The following XRRA1 variants were observed in gnomAD, a reference collection of about 807,000 sequenced individuals.
The protein encoded by XRRA1 is X-ray radiation resistance-associated protein 1.
In XRRA1, 69 loss-of-function variants were observed where a neutral mutation model predicts 80.2. The ratio of observed to expected loss-of-function variants is 0.86; its 90% CI spans 0.71 to 1.05. The LOEUF is 1.05. XRRA1 is among the 50% of genes least tolerant of loss of function. The pLI, the probability that XRRA1 is intolerant of heterozygous loss-of-function variation, is 0.00. For synonymous variants in XRRA1, 348 were observed against 389.9 expected (o/e 0.89, Z 1.27); for missense variants, 967 against 976.4 (o/e 0.99, Z 0.13).
At chr11:74,901,291 G>A (rs957316144) in intron 10 of XRRA1, among the ~76,000 whole-genome samples, 4 of 151,874 alleles carry the variant, frequency 2.6e-5, no homozygotes, top group Non-Finnish European at 5.9e-5. Context: ...AAATTGAAAA[G>A]GACACATAAA....
At chr11:74,844,433 CG>C (rs1229090662) in intron 16 of XRRA1, 150 bp from the exon 17 acceptor site, 4 of 628,776 alleles carry the variant, frequency 6.4e-6, no homozygotes, top group Non-Finnish European at 8.5e-6. Context: ...AGGTTTCTTC[CG>C]GATCTGTTCC....
intron 10 of XRRA1, among the ~76,000 whole-genome samples, chr11:74,903,217 A>C (rs551014866): frequency 2.0e-5 from 3 of 152,204 alleles, no homozygotes; most frequent in Non-Finnish European, 4.4e-5. Flanking sequence ...GTCATCCATC[A>C]ATCCCACTTC....
intron 10 of XRRA1, among the ~76,000 whole-genome samples, chr11:74,902,651 G>A (rs1483226576): frequency 3.9e-5 from 6 of 152,152 alleles, no homozygotes; most frequent in African/African-American, 1.4e-4. Context: ...TATGTTAAGT[G>A]AAATAAGCCA....
intron 10 of XRRA1, among the ~76,000 whole-genome samples, chr11:74,889,530 C>T (rs1345956423): frequency 6.6e-6 from 1 of 152,172 alleles, no homozygotes; most frequent in Admixed American, 6.5e-5. Flanking sequence ...ATCATAATGA[C>T]AGGATCAAAT....
intron 10 of XRRA1, among the ~76,000 whole-genome samples, chr11:74,902,359 G>C (rs1015526859): frequency 2.0e-5 from 3 of 152,146 alleles, no homozygotes; most frequent in Non-Finnish European, 4.4e-5. Flanking sequence ...CAGTTTGGAA[G>C]TTCCTCACAA....
At chr11:74,917,379 C>T (rs190063943) in intron 8 of XRRA1, among the ~76,000 whole-genome samples, 5 of 151,928 alleles carry the variant, frequency 3.3e-5, no homozygotes, top group Admixed American at 2.0e-4. Context: ...TCTAAATCTT[C>T]CCCTGGAAGA....
intron 10 of XRRA1, 187 bp from the exon 11 acceptor site, chr11:74,863,208 C>G: frequency 1.5e-6 from 1 of 650,948 alleles, no homozygotes; most frequent in Non-Finnish European, 2.8e-6. Flanking sequence ...GTAATAAGTC[C>G]CTTTGCACTT....
intron 10 of XRRA1, among the ~76,000 whole-genome samples, chr11:74,879,671 T>A (rs1303937660): frequency 6.6e-6 from 1 of 151,980 alleles, no homozygotes; most frequent in Non-Finnish European, 1.5e-5. Context: ...GTTTTTAGCA[T>A]GGAGGGTTGT....
chr11:74,928,615 G>A (rs962016882), intron 6 of XRRA1, among the ~76,000 whole-genome samples: 2 of 152,182 alleles, frequency 1.3e-5, no homozygotes, highest in South Asian at 2.1e-4. Context: ...TGATGCTGTT[G>A]TACTGGCATT....
At chr11:74,895,947 G>T (rs2052192861) in intron 10 of XRRA1, among the ~76,000 whole-genome samples, 2 of 152,224 alleles carry the variant, frequency 1.3e-5, no homozygotes, top group African/African-American at 4.8e-5. Context: ...CTGCTTTGAA[G>T]GGAAGGACCT....
At chr11:74,948,850 G>A (rs956636874) in intron 1 of XRRA1, 78 bp downstream of exon 1, 2 of 161,752 alleles carry the variant, frequency 1.2e-5, no homozygotes, top group African/African-American at 4.8e-5. Context: ...TGAAGGACAA[G>A]CTCCTGCCCA....
intron 4 of XRRA1, among the ~76,000 whole-genome samples, chr11:74,935,146 G>A (rs1440303550): frequency 6.6e-6 from 1 of 152,212 alleles, no homozygotes; most frequent in African/African-American, 2.4e-5. Context: ...GAGTTGAGGA[G>A]GGGGACCGGT....
chr11:74,873,286 G>A (rs2045290848), intron 10 of XRRA1, among the ~76,000 whole-genome samples: 1 of 152,134 alleles, frequency 6.6e-6, no homozygotes, highest in Non-Finnish European at 1.5e-5. Flanking sequence ...AATATTAGGA[G>A]TGCAAAAACC....
intron 9 of XRRA1, 57 bp from the exon 10 acceptor site, chr11:74,906,513 T>C (rs1421139609): frequency 1.9e-6 from 3 of 1,567,854 alleles, no homozygotes; most frequent in Admixed American, 1.8e-5. Context: ...TCAGGATTGT[T>C]TACCAAGCAA....
At chr11:74,909,509 C>T (rs1409804458) in intron 8 of XRRA1, among the ~76,000 whole-genome samples, 1 of 152,162 alleles carries the variant, frequency 6.6e-6, no homozygotes, top group Non-Finnish European at 1.5e-5. Context: ...TGACAAGTTA[C>T]ACTACTTCGT....
chr11:74,880,598 T>C (rs1314660717), intron 10 of XRRA1, among the ~76,000 whole-genome samples: 11 of 151,608 alleles, frequency 7.3e-5, no homozygotes, highest in South Asian at 4.2e-4. Context: ...TGTGGGCATT[T>C]AGTGCTATAA....
chr11:74,895,411 G>A (rs1035784834), intron 10 of XRRA1, among the ~76,000 whole-genome samples: 1 of 152,264 alleles, frequency 6.6e-6, no homozygotes, highest in Admixed American at 6.5e-5. Context: ...CATCTCAGCT[G>A]TTGGAACTGA....
intron 10 of XRRA1, among the ~76,000 whole-genome samples, chr11:74,869,904 CTT>C (rs1256453690): frequency 2.0e-5 from 3 of 152,188 alleles, no homozygotes; most frequent in African/African-American, 7.2e-5. Context: ...TAACCTCACT[CTT>C]TGTGTGCCCA....
chr11:74,859,256 T>C lies in XRRA1; in HGVS notation c.1072A>G (p.Ile358Val). ...GACTTCACAGGAAGGATCTCGAATATGGGAGGAAGTGAACATATCTTGGTT... is the reference window on the plus strand; with the variant it reads ...GACTTCACAGGAAGGATCTCGAATACGGGAGGAAGTGAACATATCTTGGTT... Reference protein sequence around the residue: ...ETTKICSLPPIFEILPVKSLK... With the variant: ...ETTKICSLPPVFEILPVKSLK... The change falls in exon 12 of 19, where the codon ATA (isoleucine) becomes GTA (valine). Residue 358 changes from isoleucine (I) to valine (V), a missense_variant. By Grantham distance (29) the Ile-to-Val change is conservative (BLOSUM62 3). Transcript: ENST00000684022. 1 of 1,608,516 alleles carries C rather than the reference T, an allele frequency of 6.2e-7. No homozygotes were observed. Among genetic ancestry groups the C allele is most frequent in the Non-Finnish European group, 8.5e-7 (1 of 1,178,050 alleles).
Sources: gnomAD v4.1 joint callset for allele counts (sites outside exome capture counted in the v4.1 genomes callset) on GRCh38, gnomAD v4.1.1 for gene constraint, MANE v1.5 for transcripts, NCBI Gene and HGNC (gene_info 2026-07-23, HGNC 2026-07-21) for gene names.